Variants in TRUB2 observed in about 807,000 individuals in gnomAD.
The protein encoded by TRUB2 is TruB pseudouridine synthase family member 2, also known as pseudouridylate synthase TRUB2, mitochondrial.
In TRUB2, 31 loss-of-function variants were observed where a neutral mutation model predicts 31.9. That is an observed-to-expected ratio of 0.97 (90% confidence interval 0.73 to 1.31). TRUB2 has a LOEUF of 1.31. Among genes scored for constraint, TRUB2 ranks in the 50% most tolerant of loss-of-function variants. The pLI is 0.00. For synonymous variants in TRUB2, 201 were observed against 182.6 expected, an observed-to-expected ratio of 1.10 and a Z score of -0.81; for missense variants, 451 against 439.6, an observed-to-expected ratio of 1.03 and a Z score of -0.23.
intron 7 of TRUB2, 95 bp downstream of exon 7, chr9:128,310,792 G>A: frequency 6.5e-7 from 1 of 1,539,186 alleles, no homozygotes. Context: ...GGCCTCAGCT[G>A]AGCCAGACAA....
At chr9:128,318,945 G>A (rs1272099677) in intron 2 of TRUB2, among the ~76,000 whole-genome samples, 5 of 152,120 alleles carry the variant, frequency 3.3e-5, no homozygotes, top group Non-Finnish European at 5.9e-5. Context: ...ACTTTGAGAC[G>A]CCGAGGCAGG....
chr9:128,321,152 G>A (rs1337791572), intron 2 of TRUB2, among the ~76,000 whole-genome samples: 1 of 151,964 alleles, frequency 6.6e-6, no homozygotes, highest in Non-Finnish European at 1.5e-5. Flanking sequence ...ACAGTACTAG[G>A]TGCACAGCAA....
Position 128,313,823 on chromosome 9 carries a change from C to T in TRUB2, c.445G>A (p.Glu149Lys), listed in dbSNP as rs1398414318. The T allele has an allele frequency of 1.2e-6, 2 of 1,614,236 alleles. No individual in the cohort carries two copies. The highest frequency in any genetic ancestry group is 2.2e-5 in the South Asian group (2 of 91,082). Residue 149 changes from glutamate to lysine, a missense_variant, in exon 5 of 8, where the codon GAG becomes AAG. Coordinates refer to ENST00000372890, the MANE Select transcript of TRUB2 (RefSeq NM_015679.3). ...CGGTTCTCACCATAGGTTGTCTTCTCTACCAGCCTCCCGTCCTCACGGAAG... is the reference window on the plus strand; with the variant it reads ...CGGTTCTCACCATAGGTTGTCTTCTTTACCAGCCTCCCGTCCTCACGGAAG... ...DDFREDGRLV[E>K]KTTYDHVTRE...
At position 128,322,367 on chromosome 9, in the gene TRUB2, C is replaced by A; in HGVS notation, c.42G>T (p.Ala14=). The A allele has an allele frequency of 6.2e-7, 1 of 1,614,068 alleles. No individual in the cohort carries two copies. The highest frequency in any genetic ancestry group is 8.5e-7 in the Non-Finnish European group (1 of 1,180,018). The change falls in exon 1 of 8, where the codon GCG becomes GCT. Residue 14 remains alanine, a synonymous_variant. Coordinates refer to ENST00000372890, the MANE Select transcript of TRUB2 (RefSeq NM_015679.3). ...AGLSRLHGLF[A]VYKPPGLKWK... Reference sequence around the variant, plus strand: ...ATTTTAGCCCCGGGGGCTTATAGACCGCGAAAAGCCCATGCAGCCGCGACA... The same window carrying A: ...ATTTTAGCCCCGGGGGCTTATAGACAGCGAAAAGCCCATGCAGCCGCGACA...
intron 1 of TRUB2, among the ~76,000 whole-genome samples, chr9:128,322,034 G>A (rs974629411): frequency 3.9e-5 from 6 of 152,194 alleles, no homozygotes; most frequent in South Asian, 4.1e-4. Flanking sequence ...GGTGCAGAGG[G>A]CAGTATAGCA....
At chr9:128,315,446 C>T in intron 4 of TRUB2, 121 bp downstream of exon 4, 1 of 963,798 alleles carries the variant, frequency 1.0e-6, no homozygotes, top group Non-Finnish European at 1.6e-6. Context: ...ACACGATCAT[C>T]AAAAAAATGC....
intron 2 of TRUB2, among the ~76,000 whole-genome samples, chr9:128,318,987 G>A (rs1832114905): frequency 6.6e-6 from 1 of 151,966 alleles, no homozygotes; most frequent in Non-Finnish European, 1.5e-5. Context: ...TTCAATACTA[G>A]CATGGGCAAC....
At chr9:128,311,788 G>T (rs1412628665) in intron 5 of TRUB2, among the ~76,000 whole-genome samples, 187 bp from the exon 6 acceptor site, 1 of 88,646 alleles carries the variant, frequency 1.1e-5, no homozygotes, top group Non-Finnish European at 1.8e-5. Context: ...GAAAGATACT[G>T]GATCTCAGAA....
rs1831938166 is a variant in TRUB2 at position 128,309,864 on chromosome 9, T to C, written c.682A>G (p.Met228Val). ...CGCAGCTCTTTCTGCGTCTCATGCATGCACTGCACCTCTGCCAGGGACACA... is the reference window on the plus strand; with the variant it reads ...CGCAGCTCTTTCTGCGTCTCATGCACGCACTGCACCTCTGCCAGGGACACA... ...PPEFLLEVQC[M>V]HETQKELRKL... is the part of the protein sequence containing the mutation. The change falls in exon 8 of 8, where the codon ATG becomes GTG. Residue 228 changes from methionine to valine, a missense_variant. Physicochemically the swap from Met to Val is conservative, Grantham distance 21. Transcript: ENST00000372890. 1 of 1,613,544 alleles carries C rather than the reference T, an allele frequency of 6.2e-7. No homozygotes were observed. Among genetic ancestry groups the C allele is most frequent in the Non-Finnish European group, 8.5e-7 (1 of 1,179,572 alleles).
At chr9:128,312,420 G>A (rs1426223615) in intron 5 of TRUB2, among the ~76,000 whole-genome samples, 1 of 149,980 alleles carries the variant, frequency 6.7e-6, no homozygotes, top group African/African-American at 2.5e-5. Flanking sequence ...TTACAGGCGT[G>A]AGCCACCGAA....
chr9:128,317,330 A>C (rs904626840), intron 2 of TRUB2, 104 bp from the exon 3 acceptor site: 2 of 1,032,152 alleles, frequency 1.9e-6, no homozygotes, highest in Admixed American at 4.1e-5. Flanking sequence ...CATGGAGCCC[A>C]AACTAGCATC....
At chr9:128,311,113 G>T (rs1351737219) in intron 6 of TRUB2, 90 bp from the exon 7 acceptor site, 1 of 1,542,698 alleles carries the variant, frequency 6.5e-7, no homozygotes, top group South Asian at 1.2e-5. Context: ...CACTTGCTTT[G>T]TGTGCCCTGC....
intron 4 of TRUB2, 122 bp from the exon 5 acceptor site, chr9:128,314,011 C>T: frequency 1.3e-6 from 1 of 772,318 alleles, no homozygotes; most frequent in Non-Finnish European, 2.2e-6. Flanking sequence ...GTGCCCAGCC[C>T]CTGCCCAGCT....
In TRUB2 at chr9:128,309,958, C is replaced by T. The variant is rs1446026015; in HGVS notation, c.671-83G>A. 37 of 1,418,462 alleles carry T rather than the reference C, an allele frequency of 2.6e-5. No individual in the cohort carries two copies. The East Asian group carries it at 8.5e-4, about 32-fold the overall frequency. The allele number at this position is 1,418,462 out of a possible 1,614,324, so 87.9% of individuals were successfully genotyped here. On this transcript the variant is annotated intron_variant, in intron 7 of 7. Coordinates refer to ENST00000372890, the MANE Select transcript of TRUB2 (RefSeq NM_015679.3). ...TTGTGAACGCACACCCCTTGGATAC[C>T]TCCTAGGTGTGTAACAACCTTAGCA...
intron 1 of TRUB2, 88 bp downstream of exon 1, chr9:128,322,212 T>G: frequency 1.8e-6 from 2 of 1,106,016 alleles, no homozygotes; most frequent in East Asian, 2.4e-5. Flanking sequence ...ATAGGTCACG[T>G]GATTTTGTTT....
At position 128,310,945 on chromosome 9, in the gene TRUB2, G is replaced by A. The variant is rs201569612; in HGVS notation, c.612C>T (p.Ser204=). ...VRGLIRPMNK[S]PMLITGIRCL... The stretch of plus-strand genomic sequence containing the variant: ...ATCGGATGCCAGTTATCAGCATCGG[G>A]GACTTGTTCATGGGCCGGATCAGGC... The change falls in exon 7 of 8, where the codon TCC becomes TCT. Residue 204 remains serine, a synonymous_variant. Transcript: ENST00000372890. 2.4e-4 allele frequency: 392 copies of A among 1,614,220 alleles called. 2 individuals carry two copies. In the Middle Eastern group the frequency reaches 6.6e-3, roughly 27 times the overall value.
In TRUB2 at chr9:128,309,447, G is replaced by A. The variant is rs527452677; in HGVS notation, c.*103C>T. On this transcript the variant is annotated 3_prime_UTR_variant, in exon 8 of 8. Transcript: ENST00000372890. ...TTACAGCTTGAGTTTTGTGTCTTAC[G>A]TAGAAAAGGTGCCCCTGCTCTCACT... 103 of 1,281,286 alleles carry A rather than the reference G, an allele frequency of 8.0e-5. No individual in the cohort carries two copies. The highest frequency in any genetic ancestry group is 1.0e-4 in the Non-Finnish European group (97 of 932,258). 79.4% of individuals were successfully genotyped at this position (1,281,286 alleles called of 1,614,324 possible). A position where few individuals can be genotyped will look rare whatever the true frequency, so the allele number is the denominator to read the frequency against.
intron 3 of TRUB2, chr9:128,315,935 G>A (rs2131450227): frequency 2.5e-6 from 1 of 408,070 alleles, no homozygotes; most frequent in East Asian, 4.6e-5. Context: ...ACACAAACCT[G>A]CACTCAAATC....
chr9:128,317,319 T>A, intron 2 of TRUB2, 93 bp from the exon 3 acceptor site: 1 of 1,162,956 alleles, frequency 8.6e-7, no homozygotes, highest in African/African-American at 1.5e-5. Flanking sequence ...AGAATGGGCC[T>A]CATGGAGCCC....
Sources: allele counts gnomAD v4.1 joint callset (sites outside exome capture counted in the v4.1 genomes callset), GRCh38; gene constraint gnomAD v4.1.1; transcripts MANE v1.5; gene names NCBI Gene and HGNC (gene_info 2026-07-23, HGNC 2026-07-21).